ZNF365: variants seen among roughly 807,000 people sequenced by gnomAD.
ZNF365 encodes zinc finger protein 365.
ZNF365 carries 22 observed loss-of-function variants against 35.0 expected under a neutral mutation model. The observed-to-expected ratio is 0.63, with a 90% CI of 0.45 to 0.90. The LOEUF is 0.90. ZNF365 is among the 40% of genes least tolerant of loss of function. The probability of loss-of-function intolerance (pLI) is 0.00; values close to 1 mark genes in which losing one functional copy is unlikely to be tolerated. For missense variants in ZNF365, 448 were observed against 500.3 expected (o/e 0.90, Z 1.00); for synonymous variants, 188 against 196.2 (o/e 0.96, Z 0.35).
chr10:62,443,074 A>C (rs1252885289), intron 3 of ZNF365, among the ~76,000 whole-genome samples: 2 of 152,182 alleles, frequency 1.3e-5, no homozygotes, highest in Non-Finnish European at 2.9e-5. Context: ...CTGTTTAGTG[A>C]CACGTAGCTC....
At chr10:62,476,337 C>CCA (rs1223796189) in intron 4 of ZNF365, among the ~76,000 whole-genome samples, 6 of 152,056 alleles carry the variant, frequency 3.9e-5, no homozygotes, top group Admixed American at 6.5e-5. Flanking sequence ...GAAAAGTGTG[C>CCA]CACAGTTGGG....
In ZNF365 at chr10:62,402,054, C is replaced by T. The variant is rs1039640866; in HGVS notation, c.*2265C>T. On this transcript the variant is annotated 3_prime_UTR_variant, in exon 5 of 5. Coordinates refer to ENST00000395254, the MANE Select transcript of ZNF365 (RefSeq NM_014951.3). ...TCAGAAGCATACTCCACTTAACATA[C>T]CATGGCCTGAGCTAAGTACCATGTC... 1 of 985,740 alleles carries T rather than the reference C, an allele frequency of 1.0e-6. No homozygotes were observed. The highest frequency in any genetic ancestry group is 1.1e-4 in the East Asian group (1 of 8,954). The allele number at this position is 985,740 out of a possible 1,614,324, so 61.1% of individuals were successfully genotyped here.
At chr10:62,448,450 T>C (rs936692495) in intron 3 of ZNF365, among the ~76,000 whole-genome samples, 2 of 152,194 alleles carry the variant, frequency 1.3e-5, no homozygotes, top group Non-Finnish European at 2.9e-5. Flanking sequence ...AGCTGAGAGA[T>C]AAAAATAATG....
At position 62,401,486 on chromosome 10, in the gene ZNF365, TGG is replaced by T. The variant is rs5785521; in HGVS notation, c.*1704_*1705del. 1.7e-5 allele frequency: 17 copies of T among 985,004 alleles called. 1 individual carries two copies. The South Asian group carries it at 1.9e-4, about 11-fold the overall frequency. The allele number at this position is 985,004 out of a possible 1,614,324, so 61.0% of individuals were successfully genotyped here. A position where few individuals can be genotyped will look rare whatever the true frequency, so the allele number is the denominator to read the frequency against. On this transcript the variant is annotated 3_prime_UTR_variant, in exon 5 of 5. Transcript: ENST00000395254. Reference sequence around the variant, plus strand: ...AATCTTCACTTTGACTTTCAGTTTATGGGGGGGGTAGATCATTCATGTGATAT... The same window carrying T: ...AATCTTCACTTTGACTTTCAGTTTATGGGGGGTAGATCATTCATGTGATAT...
chr10:62,395,504 ATTTTTT>A (rs67866839), intron 3 of ZNF365, among the ~76,000 whole-genome samples: 5 of 98,466 alleles, frequency 5.1e-5, no homozygotes, highest in African/African-American at 1.9e-4. Context: ...CACCCGGCTA[ATTTTTT>A]TTTTTTTTTT....
intron 3 of ZNF365, among the ~76,000 whole-genome samples, chr10:62,427,001 G>T (rs1484335651): frequency 6.6e-6 from 1 of 152,106 alleles, no homozygotes; most frequent in African/African-American, 2.4e-5. Flanking sequence ...TGTCAATAAT[G>T]GACCACATAT....
chr10:62,478,678 A>G (rs996786000), intron 4 of ZNF365, among the ~76,000 whole-genome samples: 1 of 152,162 alleles, frequency 6.6e-6, no homozygotes, highest in Non-Finnish European at 1.5e-5. Context: ...GGTTCATGCC[A>G]TTCTCCTGCC....
chr10:62,469,617 A>ATG (rs917875236), intron 4 of ZNF365, among the ~76,000 whole-genome samples: 3 of 151,760 alleles, frequency 2.0e-5, no homozygotes, highest in Non-Finnish European at 4.4e-5. Flanking sequence ...TTATACACGT[A>ATG]TGTGTGTGTG....
intron 3 of ZNF365, among the ~76,000 whole-genome samples, chr10:62,394,413 T>C (rs1252479738): frequency 1.3e-5 from 2 of 152,174 alleles, no homozygotes; most frequent in Non-Finnish European, 1.5e-5. Context: ...CCCCAGTAAA[T>C]ATGTGTTAAA....
intron 3 of ZNF365, 134 bp downstream of exon 3, chr10:62,388,710 G>C: frequency 9.2e-7 from 1 of 1,092,848 alleles, no homozygotes; most frequent in East Asian, 2.6e-5. Context: ...CCTGGGCCAT[G>C]CCTGTATTGT....
chr10:62,463,854 T>A (rs1229569584), intron 4 of ZNF365, among the ~76,000 whole-genome samples: 1 of 152,096 alleles, frequency 6.6e-6, no homozygotes, highest in Non-Finnish European at 1.5e-5. Context: ...CTGGGTAGCT[T>A]TTTCAAGGTT....
chr10:62,419,550 T>A (rs907118783), intron 3 of ZNF365, among the ~76,000 whole-genome samples: 1 of 151,934 alleles, frequency 6.6e-6, no homozygotes, highest in Non-Finnish European at 1.5e-5. Context: ...TCAGGAATTC[T>A]CATTGGTTAA....
chr10:62,450,531 A>C (rs903713899), intron 3 of ZNF365, among the ~76,000 whole-genome samples: 1 of 152,178 alleles, frequency 6.6e-6, no homozygotes, highest in Admixed American at 6.5e-5. Context: ...TGAACTCAGC[A>C]AGTTATGCAC....
At chr10:62,477,052 C>A (rs2132496182) in intron 4 of ZNF365, among the ~76,000 whole-genome samples, 1 of 152,264 alleles carries the variant, frequency 6.6e-6, no homozygotes, top group Non-Finnish European at 1.5e-5. Flanking sequence ...TTTTCTGTGC[C>A]AGATACCACG....
At chr10:62,374,631 C>T (rs905039062) in intron 1 of ZNF365, among the ~76,000 whole-genome samples, 173 bp downstream of exon 1, 8 of 152,242 alleles carry the variant, frequency 5.3e-5, no homozygotes, top group African/African-American at 1.9e-4. Flanking sequence ...ACTCTGGCAC[C>T]CGTGGGCTGG....
intron 3 of ZNF365, among the ~76,000 whole-genome samples, chr10:62,411,310 T>C (rs1839981673): frequency 6.6e-6 from 1 of 152,170 alleles, no homozygotes; most frequent in Admixed American, 6.5e-5. Flanking sequence ...TTTTTGCTTT[T>C]GTTGCAATTG....
chr10:62,451,641 A>AGC (rs892529167), intron 3 of ZNF365, among the ~76,000 whole-genome samples: 39 of 152,302 alleles, frequency 2.6e-4, no homozygotes, highest in African/African-American at 9.4e-4. Context: ...CAGGAGAAAG[A>AGC]GCTTTCCTTG....
chr10:62,380,107 G>A (rs943568259), intron 2 of ZNF365, among the ~76,000 whole-genome samples: 1 of 152,172 alleles, frequency 6.6e-6, no homozygotes, highest in Admixed American at 6.5e-5. Flanking sequence ...GGCTGCTTCT[G>A]CCCTGAGGCC....
chr10:62,451,461 T>C (rs1295745096), intron 3 of ZNF365, among the ~76,000 whole-genome samples: 1 of 152,010 alleles, frequency 6.6e-6, no homozygotes, highest in African/African-American at 2.4e-5. Context: ...AGGGTGAGGG[T>C]TAGGGCTGGT....
Sources: gnomAD v4.1 joint callset for allele counts (sites outside exome capture counted in the v4.1 genomes callset) on GRCh38, gnomAD v4.1.1 for gene constraint, MANE v1.5 for transcripts, NCBI Gene and HGNC (gene_info 2026-07-23, HGNC 2026-07-21) for gene names.